SLC22A23: variants seen among roughly 807,000 people sequenced by gnomAD.
The protein encoded by SLC22A23 is solute carrier family 22 member 23.
SLC22A23 carries 26 observed loss-of-function variants against 61.0 expected under a neutral mutation model. The ratio of observed to expected loss-of-function variants is 0.43; its 90% CI spans 0.31 to 0.59. The LOEUF (loss-of-function observed/expected upper bound fraction) is 0.59, where lower values mean the gene tolerates loss of function less well. Among genes scored for constraint, SLC22A23 ranks in the 20% least tolerant of loss-of-function variants. The pLI, the probability that SLC22A23 is intolerant of heterozygous loss-of-function variation, is 0.11. For synonymous variants in SLC22A23, 430 were observed against 413.9 expected (o/e 1.04, Z -0.47); for missense variants, 796 against 934.7 (o/e 0.85, Z 1.94).
At position 3,299,434 on chromosome 6, in the gene SLC22A23, C is replaced by T. The variant is rs538131525; in HGVS notation, c.1083-1216G>A. On this transcript the variant is annotated intron_variant, in intron 4 of 9. Coordinates refer to ENST00000406686, the MANE Select transcript of SLC22A23 (RefSeq NM_015482.2). The stretch of plus-strand genomic sequence containing the variant: ...GAGCTATTTCCACGTTACTGCTAAC[C>T]GCCTGTCACTGTCCCTCAGACGATG... Among the ~76,000 whole-genome samples, 34 of 152,310 alleles carry T rather than the reference C, an allele frequency of 2.2e-4. No homozygotes were observed. In the South Asian group the frequency reaches 6.0e-3, roughly 27 times the overall value.
intron 6 of SLC22A23, among the ~76,000 whole-genome samples, chr6:3,288,663 G>C (rs916299704): frequency 1.3e-5 from 2 of 152,236 alleles, no homozygotes; most frequent in Non-Finnish European, 2.9e-5. Flanking sequence ...ACCATCTTAT[G>C]TCAAATTTCA....
chr6:3,394,258 T>A (rs1316519806), intron 3 of SLC22A23, among the ~76,000 whole-genome samples: 1 of 152,182 alleles, frequency 6.6e-6, no homozygotes, highest in South Asian at 2.1e-4. Context: ...AAGAACAAGA[T>A]CCGTGTATCA....
chr6:3,385,840 A>C (rs569633306), intron 3 of SLC22A23, among the ~76,000 whole-genome samples: 1 of 152,356 alleles, frequency 6.6e-6, no homozygotes, highest in East Asian at 1.9e-4. Context: ...CATTCCTCAG[A>C]GAGCACTCTG....
intron 3 of SLC22A23, among the ~76,000 whole-genome samples, chr6:3,348,668 A>G (rs1410262646): frequency 1.3e-5 from 2 of 152,138 alleles, no homozygotes; most frequent in Non-Finnish European, 2.9e-5. Context: ...TGACCCACCC[A>G]ACACCTGAGG....
chr6:3,314,098 G>T (rs1170158563), intron 4 of SLC22A23, among the ~76,000 whole-genome samples: 3 of 152,212 alleles, frequency 2.0e-5, no homozygotes, highest in Non-Finnish European at 4.4e-5. Flanking sequence ...TAATTGATCA[G>T]CTTAACCCAT....
rs565229276 is a variant in SLC22A23 at position 3,328,161 on chromosome 6, T to A, written c.914-4159A>T. On this transcript the variant is annotated intron_variant, in intron 3 of 9. Coordinates refer to ENST00000406686, the MANE Select transcript of SLC22A23 (RefSeq NM_015482.2). The surrounding 1 kb of genome is among the most constrained non-coding windows in gnomAD (Gnocchi z 5.0). ...ATGCTTACAAGCTACTCTTGGCAAC[T>A]AGATATACTTTGTCGATAAGCAGAG... 4.7e-4 allele frequency among the ~76,000 whole-genome samples: 71 copies of A among 151,422 alleles called. 2 individuals are homozygous for A. The South Asian group carries it at 0.014, about 31-fold the overall frequency.
At chr6:3,303,818 A>G (rs946923758) in intron 4 of SLC22A23, among the ~76,000 whole-genome samples, 2 of 152,220 alleles carry the variant, frequency 1.3e-5, no homozygotes, top group African/African-American at 4.8e-5. Context: ...ATAATATATC[A>G]TATAGTTTCA....
chr6:3,451,501 C>A (rs769934315), intron 1 of SLC22A23, among the ~76,000 whole-genome samples: 1 of 152,192 alleles, frequency 6.6e-6, no homozygotes, highest in Non-Finnish European at 1.5e-5. Flanking sequence ...CCAGCCTGTG[C>A]AAATCATTAA....
At position 3,427,908 on chromosome 6, in the gene SLC22A23, G is replaced by T. The variant is rs1472948667; in HGVS notation, c.655-12053C>A. ...CTCCCGGCCCCCGCCCTCTGGTCGG[G>T]AGAGGAAGAAGGTCGGCTGCACCCG... On this transcript the variant is annotated intron_variant, in intron 1 of 9. Coordinates refer to ENST00000406686, the MANE Select transcript of SLC22A23 (RefSeq NM_015482.2). The surrounding 1 kb of genome is among the most constrained non-coding windows in gnomAD (Gnocchi z 4.3). Among the ~76,000 whole-genome samples the T allele has an allele frequency of 1.3e-5, 2 of 152,232 alleles. No individual in the cohort carries two copies. The highest frequency in any genetic ancestry group is 2.9e-5 in the Non-Finnish European group (2 of 68,046).
At chr6:3,406,551 CG>C (rs1561958530) in intron 3 of SLC22A23, among the ~76,000 whole-genome samples, 3 of 71,530 alleles carry the variant, frequency 4.2e-5, no homozygotes, top group African/African-American at 1.8e-4. Flanking sequence ...TGTGTGTGCG[CG>C]CATGTGTGTG....
rs1209095187 is a variant in SLC22A23, at chr6:3,414,200, T to C, written c.758+1552A>G. ...AAGGACACTACAACCCCAGTTGAGTTTGCATTTTTTTAGAAAGACAGTGAC... is the reference window on the plus strand; with the variant it reads ...AAGGACACTACAACCCCAGTTGAGTCTGCATTTTTTTAGAAAGACAGTGAC... On this transcript the variant is annotated intron_variant, in intron 2 of 9. Coordinates refer to ENST00000406686, the MANE Select transcript of SLC22A23 (RefSeq NM_015482.2). This position sits in a 1 kb window ranked among gnomAD's most constrained non-coding sequence, Gnocchi z 5.1. Among the ~76,000 whole-genome samples, 3 of 152,236 alleles carry C rather than the reference T, an allele frequency of 2.0e-5. No individual in the cohort carries two copies. The highest frequency in any genetic ancestry group is 4.4e-5 in the Non-Finnish European group (3 of 68,030).
chr6:3,320,201 G>C lies in SLC22A23; in HGVS notation c.1082+3633C>G, dbSNP rs577718307. Among the ~76,000 whole-genome samples the C allele has an allele frequency of 1.7e-3, 257 of 152,278 alleles. 2 individuals carry two copies. The highest frequency in any genetic ancestry group is 8.5e-3 in the South Asian group (41 of 4,818). The stretch of plus-strand genomic sequence containing the variant: ...ATTCCCTCCTTGGTTTGACACCTGG[G>C]AACTTCCCCTTCTTTCCCTGGAGCT... On this transcript the variant is annotated intron_variant, in intron 4 of 9. Transcript: ENST00000406686.
At chr6:3,319,917 T>C (rs4959813) in intron 4 of SLC22A23, among the ~76,000 whole-genome samples, 80,143 of 152,060 alleles carry the variant, frequency 0.53, 21,859 homozygotes, top group African/African-American at 0.66. Context: ...TCCAATTTCT[T>C]TGGGTGAATC....
chr6:3,287,203 G>C (rs1300669811), intron 6 of SLC22A23, 112 bp from the exon 7 acceptor site: 1 of 964,672 alleles, frequency 1.0e-6, no homozygotes, highest in Admixed American at 2.2e-5. Flanking sequence ...GCAACTCAAT[G>C]TGTCATAGAA....
rs1581903563 is a variant in SLC22A23 at position 3,445,401 on chromosome 6, T to C, written c.654+10505A>G. On this transcript the variant is annotated intron_variant, in intron 1 of 9. Transcript: ENST00000406686. ...TTTAGTAGAGACCAGGGTTTCACCA[T>C]GTTGGCCAGCTGGTCTCAAAACTCC... Among the ~76,000 whole-genome samples the C allele has an allele frequency of 2.6e-5, 4 of 152,308 alleles. No individual in the cohort carries two copies. The Middle Eastern group carries it at 0.014, about 518-fold the overall frequency.
intron 1 of SLC22A23, among the ~76,000 whole-genome samples, chr6:3,430,572 G>A (rs1338830505): frequency 6.6e-6 from 1 of 152,154 alleles, no homozygotes; most frequent in East Asian, 1.9e-4. Flanking sequence ...ACACCCCAAG[G>A]AAACAATAAT....
In SLC22A23 at chr6:3,309,458, A is replaced by T. The variant is rs971728490; in HGVS notation, c.1083-11240T>A. ...TCAGACAACTGAATCCTAGCTGAGA[A>T]AGCCCCAGGCCACTAACGCTGGGCA... On this transcript the variant is annotated intron_variant, in intron 4 of 9. Transcript: ENST00000406686. This position sits in a 1 kb window ranked among gnomAD's most constrained non-coding sequence, Gnocchi z 4.7. 6.6e-6 allele frequency among the ~76,000 whole-genome samples: 1 copy of T among 152,174 alleles called. No homozygotes were observed. The highest frequency in any genetic ancestry group is 1.5e-5 in the Non-Finnish European group (1 of 68,026).
intron 1 of SLC22A23, among the ~76,000 whole-genome samples, chr6:3,428,874 G>A (rs76762931): frequency 0.02 from 3,095 of 152,256 alleles, 110 homozygotes; most frequent in African/African-American, 0.069. Context: ...ATAACATTCA[G>A]TGAAACAAAG....
intron 1 of SLC22A23, chr6:3,431,946 T>C (rs1390773374): frequency 6.6e-6 from 1 of 152,514 alleles, no homozygotes; most frequent in African/African-American, 2.4e-5. Context: ...GTTACATGAC[T>C]GTCCTCTGAG....
Sources: gnomAD v4.1 joint callset for allele counts (sites outside exome capture counted in the v4.1 genomes callset) on GRCh38, gnomAD v4.1.1 for gene constraint, Gnocchi (gnomAD v3.1) non-coding constraint, MANE v1.5 for transcripts, NCBI Gene and HGNC (gene_info 2026-07-23, HGNC 2026-07-21) for gene names.